The following LAMA2 variants were observed in gnomAD, a reference collection of about 807,000 sequenced individuals.
LAMA2 encodes laminin subunit alpha-2.
In LAMA2, 269 loss-of-function variants were observed where a neutral mutation model predicts 364.8. The observed-to-expected ratio is 0.74, with a 90% CI of 0.67 to 0.82. The LOEUF (loss-of-function observed/expected upper bound fraction) is 0.82, where lower values mean the gene tolerates loss of function less well. Ranked by LOEUF, LAMA2 falls within the 40% of genes least tolerant of loss-of-function variation. The pLI, the probability that LAMA2 is intolerant of heterozygous loss-of-function variation, is 0.00. For synonymous variants in LAMA2, 1,379 were observed against 1,370.6 expected, an observed-to-expected ratio of 1.01 and a Z score of -0.14; for missense variants, 3,807 against 3,873.2, an observed-to-expected ratio of 0.98 and a Z score of 0.45.
chr6:128,996,567 G>A (rs1430153773), intron 1 of LAMA2, among the ~76,000 whole-genome samples: 3 of 152,082 alleles, frequency 2.0e-5, no homozygotes, highest in East Asian at 3.9e-4. Context: ...AAATCAAAAC[G>A]ACAATGAGAT....
intron 1 of LAMA2, among the ~76,000 whole-genome samples, chr6:128,936,508 C>A (rs1182315043): frequency 6.6e-6 from 1 of 152,050 alleles, no homozygotes; most frequent in Non-Finnish European, 1.5e-5. Context: ...CATTCCAGGA[C>A]CCCCAGAGTA....
chr6:129,512,501 T>C lies in LAMA2; in HGVS notation c.8988+8T>C, dbSNP rs747021634. On this transcript the variant is annotated splice_region_variant and intron_variant, in intron 63 of 64. Coordinates refer to ENST00000421865, the MANE Select transcript of LAMA2 (RefSeq NM_000426.4). The stretch of plus-strand genomic sequence containing the variant: ...GAAATGATTGATGAAAAGGTGAGTG[T>C]CAGCAATGCAAACATTTCTGATTTC... 5 of 1,613,362 alleles carry C rather than the reference T, an allele frequency of 3.1e-6. No individual in the cohort carries two copies. In the South Asian group the frequency reaches 4.4e-5, roughly 14 times the overall value.
At chr6:129,362,242 T>G (rs1232437278) in intron 32 of LAMA2, among the ~76,000 whole-genome samples, 1 of 152,210 alleles carries the variant, frequency 6.6e-6, no homozygotes, top group Non-Finnish European at 1.5e-5. Context: ...ATCTGAATAG[T>G]CATTCTTGTT....
At chr6:129,280,694 A>G (rs1348511398) in intron 18 of LAMA2, among the ~76,000 whole-genome samples, 3 of 152,212 alleles carry the variant, frequency 2.0e-5, no homozygotes, top group African/African-American at 7.2e-5. Flanking sequence ...AGCAGAAACA[A>G]GAGTATTATT....
Position 129,402,480 on chromosome 6 carries a change from C to T in LAMA2, c.5719C>T (p.Leu1907Phe). Residue 1907 changes from leucine to phenylalanine, a missense_variant, in exon 39 of 65, where the codon CTT (leucine) becomes TTT (phenylalanine). Physicochemically the swap from Leu to Phe is conservative, Grantham distance 22. This residue lies in a region of LAMA2 where 3,333 missense variants were observed against 3,345.7 expected (regional missense o/e 1.00). Transcript: ENST00000421865. Reference protein sequence around the residue: ...AAQLNDSSAVLDGILDEAKNI... With the variant: ...AAQLNDSSAVFDGILDEAKNI... ...TCAGTTGAATGACTCATCTGCTGTC[C>T]TTGATGGGTATGTCATTTGTTTTTG... is the stretch of plus-strand genomic sequence containing the variant. The T allele has an allele frequency of 6.2e-7, 1 of 1,613,986 alleles. No homozygotes were observed.
At chr6:129,227,954 C>G (rs1732933581) in intron 12 of LAMA2, among the ~76,000 whole-genome samples, 1 of 152,160 alleles carries the variant, frequency 6.6e-6, no homozygotes, top group African/African-American at 2.4e-5. Context: ...GGCAGGCATC[C>G]TTGAGCTGCA....
chr6:129,345,938 G>T (rs1260740653), intron 30 of LAMA2, among the ~76,000 whole-genome samples: 1 of 152,072 alleles, frequency 6.6e-6, no homozygotes, highest in African/African-American at 2.4e-5. Context: ...TTCTCCCCAA[G>T]ACATAAAAAC....
chr6:129,294,172 T>G (rs964527555), intron 20 of LAMA2, among the ~76,000 whole-genome samples: 1 of 152,318 alleles, frequency 6.6e-6, no homozygotes, highest in South Asian at 2.1e-4. Flanking sequence ...TGTCAAATCT[T>G]AAATTCTTGG....
intron 30 of LAMA2, 49 bp from the exon 31 acceptor site, chr6:129,349,249 A>G: frequency 7.0e-7 from 1 of 1,427,596 alleles, no homozygotes. Flanking sequence ...ACTATTTTAT[A>G]AAATAAATGG....
chr6:129,160,309 C>G (rs1331631433), intron 8 of LAMA2, among the ~76,000 whole-genome samples: 1 of 151,896 alleles, frequency 6.6e-6, no homozygotes, highest in Non-Finnish European at 1.5e-5. Context: ...TAGGGAGGGT[C>G]AATTTTTGAT....
rs1430655396 is a variant in LAMA2, at chr6:128,998,541, G to T, written c.113-51377G>T. On this transcript the variant is annotated intron_variant, in intron 1 of 64. Coordinates refer to ENST00000421865, the MANE Select transcript of LAMA2 (RefSeq NM_000426.4). Reference sequence around the variant, plus strand: ...AGTGGGCGCAGGCCAGTGTGTGTGCGCACCGTGCGCGAGCCGAAGCAGGGC... The same window carrying T: ...AGTGGGCGCAGGCCAGTGTGTGTGCTCACCGTGCGCGAGCCGAAGCAGGGC... Among the ~76,000 whole-genome samples the T allele has an allele frequency of 3.9e-5, 4 of 102,372 alleles. No individual in the cohort carries two copies. In the East Asian group the frequency reaches 8.3e-4, roughly 21 times the overall value. The allele number at this position is 102,372 out of a possible 152,430, so 67.2% of individuals were successfully genotyped here.
intron 9 of LAMA2, among the ~76,000 whole-genome samples, chr6:129,171,060 A>G (rs929117854): frequency 6.6e-6 from 1 of 151,894 alleles, no homozygotes; most frequent in African/African-American, 2.4e-5. Context: ...TTTTGAGCCT[A>G]TGTGTGTCTC....
chr6:128,900,751 A>G (rs1225380345), intron 1 of LAMA2, among the ~76,000 whole-genome samples: 1 of 152,198 alleles, frequency 6.6e-6, no homozygotes, highest in East Asian at 1.9e-4. Context: ...TTCAAAGCTC[A>G]TCACTTGGAT....
intron 54 of LAMA2, 80 bp from the exon 55 acceptor site, chr6:129,481,183 C>A: frequency 9.4e-7 from 1 of 1,064,754 alleles, no homozygotes; most frequent in Non-Finnish European, 1.5e-6. Context: ...TTAATTGCAT[C>A]GAGGAGGGTG....
At chr6:129,041,207 TC>T (rs1787065538) in intron 1 of LAMA2, among the ~76,000 whole-genome samples, 1 of 152,192 alleles carries the variant, frequency 6.6e-6, no homozygotes, top group South Asian at 2.1e-4. Flanking sequence ...GAAGCAGCCT[TC>T]CCTGTGCCAC....
intron 9 of LAMA2, among the ~76,000 whole-genome samples, chr6:129,174,748 A>G (rs1302079768): frequency 6.6e-6 from 1 of 152,104 alleles, no homozygotes; most frequent in Non-Finnish European, 1.5e-5. Context: ...TCAATTTTGT[A>G]GTTTCTCATC....
chr6:129,317,286 T>A (rs1479124582), intron 27 of LAMA2, among the ~76,000 whole-genome samples: 4 of 152,208 alleles, frequency 2.6e-5, no homozygotes, highest in Admixed American at 2.6e-4. Context: ...AATCGATATA[T>A]GTTTGTAAAT....
At chr6:129,452,659 T>C (rs1782738202) in intron 45 of LAMA2, among the ~76,000 whole-genome samples, 2 of 152,194 alleles carry the variant, frequency 1.3e-5, no homozygotes, top group Non-Finnish European at 2.9e-5. Context: ...ATTAGCTCCA[T>C]GTAAAATCAC....
At chr6:128,928,417 A>T (rs1381170352) in intron 1 of LAMA2, among the ~76,000 whole-genome samples, 1 of 152,240 alleles carries the variant, frequency 6.6e-6, no homozygotes, top group African/African-American at 2.4e-5. Flanking sequence ...ATACTATATT[A>T]TTTAAACCAA....
Sources: gnomAD v4.1 joint callset for allele counts (sites outside exome capture counted in the v4.1 genomes callset) on GRCh38, gnomAD v4.1.1 for gene constraint, gnomAD v4.1.1 regional missense constraint, MANE v1.5 for transcripts, NCBI Gene and HGNC (gene_info 2026-07-23, HGNC 2026-07-21) for gene names.